The following BEND6 variants were observed in gnomAD, a reference collection of about 807,000 sequenced individuals.
BEND6 encodes the protein BEN domain-containing protein 6.
A neutral mutation model predicts 31.8 loss-of-function variants in BEND6; 24 were observed. The observed-to-expected ratio is 0.75, with a 90% CI of 0.55 to 1.06. BEND6 has a LOEUF of 1.06. Ranked by LOEUF, BEND6 falls within the 50% of genes least tolerant of loss-of-function variation. The pLI, the probability that BEND6 is intolerant of heterozygous loss-of-function variation, is 0.00. For synonymous variants in BEND6, 109 were observed against 114.6 expected, an observed-to-expected ratio of 0.95 and a Z score of 0.31; for missense variants, 294 against 327.4, an observed-to-expected ratio of 0.90 and a Z score of 0.79.
intron 1 of BEND6, among the ~76,000 whole-genome samples, chr6:56,962,655 C>T (rs1825331395): frequency 6.6e-6 from 1 of 152,134 alleles, no homozygotes. Flanking sequence ...TGTAATGAGG[C>T]AGGAATCTAC....
intron 1 of BEND6, among the ~76,000 whole-genome samples, chr6:56,974,795 T>C (rs1352238783): frequency 2.0e-5 from 3 of 152,216 alleles, no homozygotes; most frequent in African/African-American, 7.2e-5. Flanking sequence ...TACATACATA[T>C]CTCAAGTAAT....
intron 1 of BEND6, among the ~76,000 whole-genome samples, chr6:56,970,842 G>A (rs1825666255): frequency 6.6e-6 from 1 of 152,146 alleles, no homozygotes; most frequent in Admixed American, 6.5e-5. Flanking sequence ...GAAGAAACTT[G>A]AGGATTTGCT....
At chr6:57,006,753 T>G (rs919642872) in intron 3 of BEND6, among the ~76,000 whole-genome samples, 15 of 152,216 alleles carry the variant, frequency 9.9e-5, no homozygotes, top group African/African-American at 3.1e-4. Context: ...ATAATTTGTA[T>G]GGATTCATGA....
At chr6:56,979,865 G>A (rs79732380) in intron 1 of BEND6, among the ~76,000 whole-genome samples, 3,587 of 152,324 alleles carry the variant, frequency 0.024, 156 homozygotes, top group African/African-American at 0.081. Context: ...TAGGAGGACA[G>A]TTTGTATCTA....
At chr6:57,004,476 C>G (rs970101725) in intron 3 of BEND6, 2 of 651,890 alleles carry the variant, frequency 3.1e-6, no homozygotes, top group African/African-American at 1.8e-5. Context: ...TCACCGCGCC[C>G]TGGGACCGTC....
At chr6:56,988,136 C>T (rs1162715341) in intron 2 of BEND6, among the ~76,000 whole-genome samples, 2 of 151,848 alleles carry the variant, frequency 1.3e-5, no homozygotes, top group East Asian at 3.9e-4. Context: ...TCTGCCTCAG[C>T]CTCCCAGGTA....
chr6:57,015,443 A>G lies in BEND6; in HGVS notation c.519+90A>G, dbSNP rs905350032. 7.6e-6 allele frequency: 9 copies of G among 1,178,920 alleles called. No homozygotes were observed. In the African/African-American group the frequency reaches 7.7e-5, roughly 10 times the overall value. The allele number at this position is 1,178,920 out of a possible 1,614,324, so 73.0% of individuals were successfully genotyped here. A position where few individuals can be genotyped will look rare whatever the true frequency, so the allele number is the denominator to read the frequency against. On this transcript the variant is annotated intron_variant, in intron 4 of 6. Transcript: ENST00000370746. ...TGGAAAATGATCATTGTTTTATCAG[A>G]TAACTATTGGATAAAATAGTTTTAT...
At chr6:56,968,165 A>T (rs921056282) in intron 1 of BEND6, among the ~76,000 whole-genome samples, 1 of 152,192 alleles carries the variant, frequency 6.6e-6, no homozygotes, top group Non-Finnish European at 1.5e-5. Flanking sequence ...TATTCATTCA[A>T]TTAGCTTCAG....
chr6:56,966,499 C>A lies in BEND6; in HGVS notation c.-101+11039C>A, dbSNP rs1040141576. On this transcript the variant is annotated intron_variant, in intron 1 of 6. Transcript: ENST00000370746. ...AGAAAATGTTCAGAGGCCCTAGAAC[C>A]ACAGGAAAATTTTAGAGTCCCTCTG... Among the ~76,000 whole-genome samples the A allele has an allele frequency of 5.9e-5, 9 of 152,246 alleles. No individual in the cohort carries two copies. In the South Asian group the frequency reaches 1.5e-3, roughly 25 times the overall value.
At chr6:57,017,773 G>T (rs1432374814) in intron 5 of BEND6, among the ~76,000 whole-genome samples, 5 of 152,036 alleles carry the variant, frequency 3.3e-5, no homozygotes. Context: ...CCTATTTATG[G>T]TTTTTAAATT....
At chr6:57,003,863 G>A (rs990549418) in intron 3 of BEND6, among the ~76,000 whole-genome samples, 1 of 152,034 alleles carries the variant, frequency 6.6e-6, no homozygotes, top group Non-Finnish European at 1.5e-5. Context: ...CTGAATATAA[G>A]GTTGGTTCAA....
chr6:57,018,640 A>G (rs1827644399), intron 6 of BEND6, 83 bp downstream of exon 6: 7 of 1,274,162 alleles, frequency 5.5e-6, no homozygotes, highest in Admixed American at 3.8e-5. Context: ...GCATTTTCCA[A>G]TCACTCTACT....
At position 56,990,968 on chromosome 6, in the gene BEND6, C is replaced by T. The variant is rs542295129; in HGVS notation, c.121-1410C>T. 1.8e-4 allele frequency among the ~76,000 whole-genome samples: 27 copies of T among 152,200 alleles called. 1 individual carries two copies. The South Asian group carries it at 5.4e-3, about 30-fold the overall frequency. On this transcript the variant is annotated intron_variant, in intron 2 of 6. Coordinates refer to ENST00000370746, the MANE Select transcript of BEND6 (RefSeq NM_152731.3). ...TTCATATGAACGTACAGGTAAAGTACCTACAACACCACTAAATACCTGGTG... is the reference window on the plus strand; with the variant it reads ...TTCATATGAACGTACAGGTAAAGTATCTACAACACCACTAAATACCTGGTG...
intron 3 of BEND6, among the ~76,000 whole-genome samples, chr6:57,003,554 C>A (rs1827027190): frequency 6.6e-6 from 1 of 151,426 alleles, no homozygotes; most frequent in Non-Finnish European, 1.5e-5. Context: ...AACTACCAAT[C>A]AAAAAAAACC....
chr6:57,004,827 T>C (rs1593013827), intron 3 of BEND6: 2 of 739,514 alleles, frequency 2.7e-6, no homozygotes, highest in East Asian at 5.1e-5. Flanking sequence ...AGCTCAGGAC[T>C]TGAGACCAGC....
intron 1 of BEND6, among the ~76,000 whole-genome samples, chr6:56,960,379 C>T (rs1310999974): frequency 6.6e-6 from 1 of 151,964 alleles, no homozygotes; most frequent in Non-Finnish European, 1.5e-5. Flanking sequence ...ATGAAATTTG[C>T]CATATAAGTT....
chr6:57,016,148 A>G (rs1562558727), intron 4 of BEND6, among the ~76,000 whole-genome samples: 1 of 152,144 alleles, frequency 6.6e-6, no homozygotes, highest in Admixed American at 6.5e-5. Flanking sequence ...GCTGAACACA[A>G]TTCTTTTTCT....
chr6:57,000,469 A>C (rs1035394154), intron 3 of BEND6, among the ~76,000 whole-genome samples: 2 of 152,044 alleles, frequency 1.3e-5, no homozygotes, highest in African/African-American at 4.8e-5. Context: ...GGAAAACCAG[A>C]GACCTTTGTT....
chr6:56,971,816 T>G lies in BEND6; in HGVS notation c.-100-9895T>G, dbSNP rs76459553. Among the ~76,000 whole-genome samples the G allele has an allele frequency of 3.0e-4, 45 of 152,316 alleles. 1 individual carries two copies. In the East Asian group the frequency reaches 8.7e-3, roughly 29 times the overall value. ...GTCCTTTACTCATTTTTGAATCATT[T>G]TTTTGTTAAGTTTTAAGAATTCTGT... On this transcript the variant is annotated intron_variant, in intron 1 of 6. Transcript: ENST00000370746.
Sources: gnomAD v4.1 joint callset for allele counts (sites outside exome capture counted in the v4.1 genomes callset) on GRCh38, gnomAD v4.1.1 for gene constraint, MANE v1.5 for transcripts, NCBI Gene and HGNC (gene_info 2026-07-23, HGNC 2026-07-21) for gene names.